RSRC1: variants seen among roughly 807,000 people sequenced by gnomAD.
RSRC1 encodes the protein serine/Arginine-related protein 53.
RSRC1 carries 39 observed loss-of-function variants against 49.1 expected under a neutral mutation model. The observed-to-expected ratio is 0.79, with a 90% CI of 0.61 to 1.04. RSRC1 has a LOEUF of 1.04. Among genes scored for constraint, RSRC1 ranks in the 50% least tolerant of loss-of-function variants. RSRC1 has a pLI of 0.00. For missense variants in RSRC1, 388 were observed against 402.4 expected, an observed-to-expected ratio of 0.96 and a Z score of 0.31; for synonymous variants, 143 against 130.8, an observed-to-expected ratio of 1.09 and a Z score of -0.63.
chr3:158,226,783 G>A (rs1722555203), intron 4 of RSRC1, among the ~76,000 whole-genome samples: 1 of 151,692 alleles, frequency 6.6e-6, no homozygotes, highest in Non-Finnish European at 1.5e-5. Context: ...TCCACCCAGA[G>A]TTTCATCTTT....
chr3:158,353,375 T>C (rs562174430), intron 5 of RSRC1, among the ~76,000 whole-genome samples: 1 of 152,358 alleles, frequency 6.6e-6, no homozygotes, highest in South Asian at 2.1e-4. Flanking sequence ...CAGATAAATA[T>C]TTTAGGCTTT....
Position 158,490,881 on chromosome 3 carries a change from A to C in RSRC1, c.652+29878A>C, listed in dbSNP as rs1739058852. The stretch of plus-strand genomic sequence containing the variant: ...AGCTACTAAATGCATTGCTATGATA[A>C]CTTAAAAGGACAAAGATTAACAGTG... On this transcript the variant is annotated intron_variant, in intron 7 of 9. Coordinates refer to ENST00000611884, the MANE Select transcript of RSRC1 (RefSeq NM_001271838.2). Among the ~76,000 whole-genome samples, 3 of 152,230 alleles carry C rather than the reference A, an allele frequency of 2.0e-5. 1 individual carries two copies. The highest frequency in any genetic ancestry group is 4.1e-4 in the South Asian group (2 of 4,836).
chr3:158,388,534 T>C (rs918606608), intron 6 of RSRC1, among the ~76,000 whole-genome samples: 4 of 152,030 alleles, frequency 2.6e-5, no homozygotes, highest in Admixed American at 1.3e-4. Context: ...GCAATATAAC[T>C]AGGACCCTAG....
intron 3 of RSRC1, among the ~76,000 whole-genome samples, chr3:158,177,221 G>A (rs1254719059): frequency 6.6e-6 from 1 of 152,204 alleles, no homozygotes; most frequent in Non-Finnish European, 1.5e-5. Flanking sequence ...AACCATTGTG[G>A]AAGACGGTGT....
chr3:158,258,470 A>G (rs1724697124), intron 4 of RSRC1, among the ~76,000 whole-genome samples: 1 of 151,472 alleles, frequency 6.6e-6, no homozygotes, highest in African/African-American at 2.4e-5. Context: ...TGCTGCCTTT[A>G]GGATCCTTTT....
intron 6 of RSRC1, among the ~76,000 whole-genome samples, chr3:158,394,869 CA>C (rs1157747489): frequency 2.0e-5 from 3 of 151,968 alleles, no homozygotes; most frequent in African/African-American, 7.3e-5. Context: ...AAAAAGAGCC[CA>C]AATAGCCAAA....
intron 3 of RSRC1, among the ~76,000 whole-genome samples, chr3:158,154,192 C>A (rs1717715887): frequency 6.6e-6 from 1 of 152,048 alleles, no homozygotes; most frequent in South Asian, 2.1e-4. Flanking sequence ...GTTTAAAAAA[C>A]AATGTACATA....
chr3:158,313,799 T>A (rs1728252087), intron 5 of RSRC1, among the ~76,000 whole-genome samples: 2 of 152,232 alleles, frequency 1.3e-5, no homozygotes, highest in South Asian at 4.1e-4. Flanking sequence ...TCTAAAGAAA[T>A]TATTATGGCT....
intron 7 of RSRC1, among the ~76,000 whole-genome samples, chr3:158,517,589 T>C (rs570582287): frequency 8.1e-6 from 1 of 122,992 alleles, no homozygotes; most frequent in African/African-American, 3.5e-5. Flanking sequence ...TAGTAAGTTT[T>C]GTTAGACTTT....
At chr3:158,410,765 CAG>C (rs1207672441) in intron 6 of RSRC1, among the ~76,000 whole-genome samples, 1 of 151,806 alleles carries the variant, frequency 6.6e-6, no homozygotes, top group East Asian at 1.9e-4. Flanking sequence ...AACTATAACT[CAG>C]AGAAAAATAG....
intron 3 of RSRC1, among the ~76,000 whole-genome samples, chr3:158,161,623 G>A (rs1361428919): frequency 6.6e-6 from 1 of 152,096 alleles, no homozygotes; most frequent in African/African-American, 2.4e-5. Context: ...TTAGCTGGCA[G>A]TAACGGCACA....
chr3:158,505,882 A>G (rs930062399), intron 7 of RSRC1, among the ~76,000 whole-genome samples: 2 of 152,150 alleles, frequency 1.3e-5, no homozygotes, highest in African/African-American at 2.4e-5. Flanking sequence ...GAAATTTAAC[A>G]TGGCTGAAAC....
At chr3:158,298,528 G>A (rs1170799069) in intron 5 of RSRC1, among the ~76,000 whole-genome samples, 4 of 151,948 alleles carry the variant, frequency 2.6e-5, no homozygotes, top group African/African-American at 9.7e-5. Flanking sequence ...ATAATGCATT[G>A]GTTTAAACTA....
chr3:158,479,136 G>A (rs1425916565), intron 7 of RSRC1, among the ~76,000 whole-genome samples: 1 of 150,814 alleles, frequency 6.6e-6, no homozygotes. Flanking sequence ...ATATGTTACT[G>A]CCTTGTGGAC....
chr3:158,319,280 A>C (rs1728627952), intron 5 of RSRC1, among the ~76,000 whole-genome samples: 1 of 152,066 alleles, frequency 6.6e-6, no homozygotes, highest in Non-Finnish European at 1.5e-5. Flanking sequence ...ATAGTTTAAG[A>C]GTGGCACTTC....
Position 158,539,052 on chromosome 3 carries a change from C to T in RSRC1, c.759+1854C>T, listed in dbSNP as rs1195810446. On this transcript the variant is annotated intron_variant, in intron 8 of 9. Coordinates refer to ENST00000611884, the MANE Select transcript of RSRC1 (RefSeq NM_001271838.2). This position sits in a 1 kb window ranked among gnomAD's most constrained non-coding sequence, Gnocchi z 4.1. ...AAAGGAGGTAAATTATCTTGTGGAC[C>T]CTTTTATCCAGATCATGGAAGGATA... is the stretch of plus-strand genomic sequence containing the variant. 2.6e-5 allele frequency among the ~76,000 whole-genome samples: 4 copies of T among 151,720 alleles called. No individual in the cohort carries two copies. Among genetic ancestry groups the T allele is most frequent in the Admixed American group, 1.3e-4 (2 of 15,210 alleles).
intron 4 of RSRC1, among the ~76,000 whole-genome samples, chr3:158,216,116 A>T (rs1721929825): frequency 6.6e-6 from 1 of 151,578 alleles, no homozygotes; most frequent in Non-Finnish European, 1.5e-5. Context: ...CATATATTTT[A>T]TTAGGTTGGT....
At chr3:158,328,947 T>G (rs1367853394) in intron 5 of RSRC1, among the ~76,000 whole-genome samples, 1 of 152,190 alleles carries the variant, frequency 6.6e-6, no homozygotes, top group Non-Finnish European at 1.5e-5. Context: ...TTTTTGCTCT[T>G]TTTTCTCTAA....
chr3:158,436,779 C>G (rs1736064531), intron 6 of RSRC1, among the ~76,000 whole-genome samples: 1 of 151,684 alleles, frequency 6.6e-6, no homozygotes, highest in Non-Finnish European at 1.5e-5. Context: ...ATATGCTACC[C>G]TGGGCTATAA....
Sources: gnomAD v4.1 joint callset for allele counts (sites outside exome capture counted in the v4.1 genomes callset) on GRCh38, gnomAD v4.1.1 for gene constraint, Gnocchi (gnomAD v3.1) non-coding constraint, MANE v1.5 for transcripts, NCBI Gene and HGNC (gene_info 2026-07-23, HGNC 2026-07-21) for gene names.